The following CD200 variants were observed in gnomAD, a reference collection of about 807,000 sequenced individuals.
The protein encoded by CD200 is OX-2 membrane glycoprotein.
In CD200, 15 loss-of-function variants were observed where a neutral mutation model predicts 30.9. The observed-to-expected ratio is 0.49, with a 90% confidence interval of 0.32 to 0.75. The LOEUF (loss-of-function observed/expected upper bound fraction) is 0.75, where lower values mean the gene tolerates loss of function less well. CD200 is among the 30% of genes least tolerant of loss of function. The probability of loss-of-function intolerance (pLI) is 0.03; values close to 1 mark genes in which losing one functional copy is unlikely to be tolerated. For synonymous variants in CD200, 134 were observed against 126.2 expected, an observed-to-expected ratio of 1.06 and a Z score of -0.41; for missense variants, 262 against 324.2, an observed-to-expected ratio of 0.81 and a Z score of 1.47.
intron 5 of CD200, among the ~76,000 whole-genome samples, chr3:112,355,635 T>C (rs969314779): frequency 6.6e-6 from 1 of 152,182 alleles, no homozygotes; most frequent in African/African-American, 2.4e-5. Context: ...AATTTCTCAG[T>C]CCCTAATACT....
chr3:112,332,877 C>G (rs2081027348), upstream of CD200: 1 of 342,570 alleles, frequency 2.9e-6, no homozygotes, highest in South Asian at 3.4e-5. Flanking sequence ...CCTCCCACCT[C>G]ATTTCCTTTC....
In CD200 at chr3:112,340,489, C is replaced by G. The variant is rs115228068; in HGVS notation, c.13-413C>G. On this transcript the variant is annotated intron_variant, in intron 1 of 5. Coordinates refer to ENST00000315711, the MANE Select transcript of CD200 (RefSeq NM_005944.7). ...AAATAATGTTCTTGAAAAGTGGTTA[C>G]CCTCTGAGTTACATTTTTAACATTA... is the stretch of plus-strand genomic sequence containing the variant. Among the ~76,000 whole-genome samples, 1,419 of 152,248 alleles carry G rather than the reference C, an allele frequency of 9.3e-3. 33 individuals carry two copies. Among genetic ancestry groups the G allele is most frequent in the African/African-American group, 0.032 (1,335 of 41,524 alleles).
chr3:112,336,152 A>G (rs2108420189), intron 1 of CD200: 2 of 653,752 alleles, frequency 3.1e-6, no homozygotes, highest in South Asian at 3.6e-5. Context: ...TTCCTCTTGA[A>G]ATTTCCCTCA....
At position 112,362,753 on chromosome 3, in the gene CD200, T is replaced by G. The variant is rs984464820; in HGVS notation, c.*1203T>G. ...GCAAGATTTTCATGTGTTATTTAAT[T>G]CTGTATTGTTTCTTATATTTGTAGT... On this transcript the variant is annotated 3_prime_UTR_variant, in exon 6 of 6. Transcript: ENST00000315711. 7 of 152,546 alleles carry G rather than the reference T, an allele frequency of 4.6e-5. No individual in the cohort carries two copies. Among genetic ancestry groups the G allele is most frequent in the African/African-American group, 1.7e-4 (7 of 41,430 alleles). The allele number at this position is 152,546 out of a possible 1,614,324, so 9.4% of individuals were successfully genotyped here. A position where few individuals can be genotyped will look rare whatever the true frequency, so the allele number is the denominator to read the frequency against.
rs372847213 is a variant in CD200, at chr3:112,349,767, C to T, written c.750C>T (p.Leu250=). 9.9e-6 allele frequency: 16 copies of T among 1,611,926 alleles called. No homozygotes were observed. The highest frequency in any genetic ancestry group is 1.6e-4 in the Middle Eastern group (1 of 6,082). ...LLSIVSLVIL[L]VLISILLYWK... ...GCATTGTTTCCCTGGTAATTCTTCT[C>T]GTCCTAATCTCAATCTTACTGTACT... is the stretch of plus-strand genomic sequence containing the variant. Residue 250 remains leucine, a synonymous_variant, in exon 5 of 6, where the codon CTC becomes CTT. Transcript: ENST00000315711.
intron 1 of CD200, among the ~76,000 whole-genome samples, chr3:112,340,553 A>G (rs1287969938): frequency 6.6e-6 from 1 of 152,146 alleles, no homozygotes; most frequent in Non-Finnish European, 1.5e-5. Context: ...GCTGTATAAC[A>G]TTTGTATTCT....
chr3:112,353,000 G>A (rs1045072906), intron 5 of CD200, among the ~76,000 whole-genome samples: 3 of 152,124 alleles, frequency 2.0e-5, no homozygotes, highest in Admixed American at 1.3e-4. Flanking sequence ...ATTTCAAAGA[G>A]CATTCTTTTC....
At chr3:112,342,961 A>G (rs1434523981) in intron 2 of CD200, among the ~76,000 whole-genome samples, 3 of 152,034 alleles carry the variant, frequency 2.0e-5, no homozygotes, top group South Asian at 4.2e-4. Context: ...AAAAGATTAT[A>G]CATCCTTTCT....
At position 112,342,867 on chromosome 3, in the gene CD200, G is replaced by T. The variant is rs538507464; in HGVS notation, c.94+1884G>T. On this transcript the variant is annotated intron_variant, in intron 2 of 5. Coordinates refer to ENST00000315711, the MANE Select transcript of CD200 (RefSeq NM_005944.7). ...TTTCTAATTTTATTGTATTATGAAC[G>T]GTGTTCAAGGCCATACGTAGGGTAG... is the stretch of plus-strand genomic sequence containing the variant. Among the ~76,000 whole-genome samples, 7 of 152,188 alleles carry T rather than the reference G, an allele frequency of 4.6e-5. No homozygotes were observed. The South Asian group carries it at 1.2e-3, about 27-fold the overall frequency.
intron 5 of CD200, among the ~76,000 whole-genome samples, chr3:112,351,433 C>T (rs1478682853): frequency 6.6e-6 from 1 of 152,206 alleles, no homozygotes. Context: ...GTAAATTCTA[C>T]TGGAAAGAGA....
chr3:112,358,350 G>T (rs1044978275), intron 5 of CD200, among the ~76,000 whole-genome samples: 3 of 133,294 alleles, frequency 2.3e-5, no homozygotes, highest in Non-Finnish European at 3.4e-5. Flanking sequence ...TTCAGTAGCA[G>T]TCTTGGGAGA....
At chr3:112,344,001 A>C (rs2081327794) in intron 2 of CD200, among the ~76,000 whole-genome samples, 1 of 152,002 alleles carries the variant, frequency 6.6e-6, no homozygotes, top group Non-Finnish European at 1.5e-5. Flanking sequence ...CTTACTTTTT[A>C]CTAATTTACT....
upstream of CD200, chr3:112,332,858 T>G: frequency 3.6e-6 from 1 of 276,958 alleles, no homozygotes; most frequent in Non-Finnish European, 6.8e-6. Context: ...CAACAACTGA[T>G]CTCCACAACC....
rs188079711 is a variant in CD200 at position 112,350,108 on chromosome 3, C to T, written c.802+289C>T. The T allele has an allele frequency of 1.7e-5, 5 of 292,362 alleles. No homozygotes were observed. In the East Asian group the frequency reaches 6.9e-4, roughly 40 times the overall value. 18.1% of individuals were successfully genotyped at this position (292,362 alleles called of 1,614,324 possible). A position where few individuals can be genotyped will look rare whatever the true frequency, so the allele number is the denominator to read the frequency against. ...AAAGAAGTCTGGCACCCACACAAGG[C>T]CCTTTCCACTCATTAATGAGAAGGA... On this transcript the variant is annotated intron_variant, in intron 5 of 5. Transcript: ENST00000315711.
chr3:112,334,777 G>A (rs144473062), intron 1 of CD200, among the ~76,000 whole-genome samples: 154 of 151,926 alleles, frequency 1.0e-3, no homozygotes, highest in African/African-American at 3.5e-3. Context: ...ATAAAAATAC[G>A]TATCTATTTA....
intron 5 of CD200, among the ~76,000 whole-genome samples, chr3:112,350,243 C>T (rs570798296): frequency 2.7e-4 from 41 of 152,308 alleles, no homozygotes; most frequent in Middle Eastern, 3.4e-3. Context: ...TATACTCCCA[C>T]GATGCCTCAA....
chr3:112,347,441 A>G, intron 3 of CD200, 117 bp from the exon 4 acceptor site: 2 of 1,053,942 alleles, frequency 1.9e-6, no homozygotes, highest in South Asian at 3.0e-5. Context: ...ATGCCATGCT[A>G]TCTTTCTAGC....
intron 1 of CD200, among the ~76,000 whole-genome samples, chr3:112,338,938 C>T (rs1342208848): frequency 6.6e-6 from 1 of 152,076 alleles, no homozygotes; most frequent in Non-Finnish European, 1.5e-5. Context: ...AGCTGTGTGA[C>T]CTTGGGCAAT....
intron 5 of CD200, 151 bp from the exon 6 acceptor site, chr3:112,361,392 G>A (rs2081739156): frequency 1.4e-6 from 1 of 699,362 alleles, no homozygotes; most frequent in Non-Finnish European, 2.5e-6. Flanking sequence ...ACCATACTGG[G>A]TCAGAAATGT....
Sources: gnomAD v4.1 joint callset for allele counts (sites outside exome capture counted in the v4.1 genomes callset) on GRCh38, gnomAD v4.1.1 for gene constraint, MANE v1.5 for transcripts, NCBI Gene and HGNC (gene_info 2026-07-23, HGNC 2026-07-21) for gene names.